ANKIB1: variants seen among roughly 807,000 people sequenced by gnomAD.
ANKIB1 encodes the protein ankyrin repeat and IBR domain containing 1.
A neutral mutation model predicts 122.1 loss-of-function variants in ANKIB1; 43 were observed. That is an observed-to-expected ratio of 0.35 (90% CI 0.28 to 0.45). ANKIB1 has a LOEUF of 0.45. ANKIB1 is among the 20% of genes least tolerant of loss of function. The probability of loss-of-function intolerance (pLI) is 1.00; values close to 1 mark genes in which losing one functional copy is unlikely to be tolerated. For missense variants in ANKIB1, 992 were observed against 1,329.5 expected (o/e 0.75, Z 3.95); for synonymous variants, 390 against 442.0 (o/e 0.88, Z 1.48).
intron 15 of ANKIB1, among the ~76,000 whole-genome samples, chr7:92,390,847 G>A (rs1585140820): frequency 1.3e-5 from 2 of 152,064 alleles, no homozygotes; most frequent in African/African-American, 2.4e-5. Flanking sequence ...TTTTCACATA[G>A]ACAAATTATA....
At chr7:92,259,565 T>C (rs547009299) in intron 1 of ANKIB1, among the ~76,000 whole-genome samples, 3 of 152,372 alleles carry the variant, frequency 2.0e-5, no homozygotes, top group Admixed American at 1.3e-4. Flanking sequence ...AGGGGATTTA[T>C]ATTTTTGTAA....
At chr7:92,300,785 T>G (rs1047893365) in intron 2 of ANKIB1, among the ~76,000 whole-genome samples, 2 of 152,164 alleles carry the variant, frequency 1.3e-5, no homozygotes, top group Non-Finnish European at 2.9e-5. Context: ...CCATGCTGTT[T>G]ATTAGGTCTC....
intron 1 of ANKIB1, among the ~76,000 whole-genome samples, chr7:92,251,933 A>G (rs1310308285): frequency 6.6e-6 from 1 of 152,160 alleles, no homozygotes; most frequent in Non-Finnish European, 1.5e-5. Context: ...GTCTGTTCGT[A>G]GTTCTTCAGC....
At chr7:92,315,119 A>G (rs1326202933) in intron 3 of ANKIB1, among the ~76,000 whole-genome samples, 1 of 152,188 alleles carries the variant, frequency 6.6e-6, no homozygotes, top group Non-Finnish European at 1.5e-5. Context: ...TATCACATCT[A>G]TAATTAGAGT....
At chr7:92,396,197 C>T in intron 17 of ANKIB1, 168 bp from the exon 18 acceptor site, 2 of 597,118 alleles carry the variant, frequency 3.3e-6, no homozygotes, top group Non-Finnish European at 5.9e-6. Flanking sequence ...TCCATTTTAC[C>T]TTTTGTGTTT....
intron 9 of ANKIB1, among the ~76,000 whole-genome samples, chr7:92,361,386 A>C (rs937499134): frequency 2.0e-5 from 3 of 152,208 alleles, no homozygotes; most frequent in Non-Finnish European, 4.4e-5. Context: ...CAGTAATTCA[A>C]CTTAAAACAG....
At chr7:92,397,681 T>G in intron 18 of ANKIB1, 42 bp from the exon 19 acceptor site, 1 of 1,604,056 alleles carries the variant, frequency 6.2e-7, no homozygotes, top group Non-Finnish European at 8.5e-7. Context: ...ATAAGTCTTA[T>G]TTGTCACTAA....
chr7:92,248,888 C>CTTTTTTTTTTTTTTTTTTTTTTTT (rs778549860), intron 1 of ANKIB1, among the ~76,000 whole-genome samples: 2 of 123,018 alleles, frequency 1.6e-5, no homozygotes, highest in Non-Finnish European at 3.3e-5. Context: ...TCTTTTCTTT[C>CTTTTTTTTTTTTTTTTTTTTTTTT]TTTTTTTTTT....
At chr7:92,372,733 A>G (rs921700165) in intron 11 of ANKIB1, among the ~76,000 whole-genome samples, 3 of 152,210 alleles carry the variant, frequency 2.0e-5, no homozygotes, top group African/African-American at 7.2e-5. Flanking sequence ...ATATGCTGGT[A>G]TGTTATTAAT....
At chr7:92,305,348 G>A (rs1278674904) in intron 2 of ANKIB1, among the ~76,000 whole-genome samples, 1 of 152,130 alleles carries the variant, frequency 6.6e-6, no homozygotes, top group African/African-American at 2.4e-5. Context: ...AGATTCCCCA[G>A]TCCCATGTCA....
At chr7:92,370,669 T>C (rs938537029) in intron 10 of ANKIB1, among the ~76,000 whole-genome samples, 7 of 152,168 alleles carry the variant, frequency 4.6e-5, no homozygotes, top group Admixed American at 1.3e-4. Flanking sequence ...TGGTGGGTAC[T>C]TCAGATGTCC....
intron 1 of ANKIB1, among the ~76,000 whole-genome samples, chr7:92,291,350 A>C (rs1233890920): frequency 6.6e-6 from 1 of 151,996 alleles, no homozygotes; most frequent in East Asian, 1.9e-4. Context: ...CAAATGCTTG[A>C]GGTGGTGGAT....
chr7:92,390,042 C>A lies in ANKIB1; in HGVS notation c.1978C>A (p.Leu660Ile). The A allele has an allele frequency of 6.2e-7, 1 of 1,607,192 alleles. No individual in the cohort carries two copies. The highest frequency in any genetic ancestry group is 8.5e-7 in the Non-Finnish European group (1 of 1,177,804). ...VHVLLKTRRILKCSYPYGFFL... is the reference protein window; with the variant it reads ...VHVLLKTRRIIKCSYPYGFFL... Reference sequence around the variant, plus strand: ...TGTGCTCTTAAAAACTCGGCGCATTCTCAAGTGTTCTTATCCATATGGATT... The same window carrying A: ...TGTGCTCTTAAAAACTCGGCGCATTATCAAGTGTTCTTATCCATATGGATT... Residue 660 changes from leucine (L) to isoleucine (I), a missense_variant, in exon 15 of 20, where the codon CTC (leucine) becomes ATC (isoleucine). Physicochemically the swap from Leu to Ile is conservative, Grantham distance 5 (BLOSUM62 2). Transcript: ENST00000265742.
intron 1 of ANKIB1, among the ~76,000 whole-genome samples, chr7:92,270,194 C>T (rs4727271): frequency 2.6e-5 from 4 of 152,042 alleles, no homozygotes; most frequent in Admixed American, 6.6e-5. Flanking sequence ...ACCCGAGTAG[C>T]TGGGACTGTA....
In ANKIB1 at chr7:92,387,789, G is replaced by C. The variant is rs1278486765; in HGVS notation, c.1753-9G>C. The stretch of plus-strand genomic sequence containing the variant: ...TTATAAAAGTCATTTGTGGACTTTT[G>C]TTTTCTAGGCTGAGAAAAAACACAA... On this transcript the variant is annotated splice_polypyrimidine_tract_variant and intron_variant, in intron 12 of 19. Coordinates refer to ENST00000265742, the MANE Select transcript of ANKIB1 (RefSeq NM_019004.2). 2 of 1,598,072 alleles carry C rather than the reference G, an allele frequency of 1.3e-6. No homozygotes were observed. The highest frequency in any genetic ancestry group is 2.7e-5 in the African/African-American group (2 of 73,780).
intron 11 of ANKIB1, among the ~76,000 whole-genome samples, chr7:92,376,627 T>C (rs1804389198): frequency 6.6e-6 from 1 of 151,940 alleles, no homozygotes; most frequent in Non-Finnish European, 1.5e-5. Context: ...TTTTGTATTT[T>C]TAGTAGAGAA....
chr7:92,376,820 A>G (rs958615544), intron 11 of ANKIB1, among the ~76,000 whole-genome samples: 3 of 152,084 alleles, frequency 2.0e-5, no homozygotes, highest in Non-Finnish European at 4.4e-5. Flanking sequence ...GCTAACTTTA[A>G]ATTTTTCTTC....
intron 11 of ANKIB1, among the ~76,000 whole-genome samples, chr7:92,376,260 A>G (rs1299613144): frequency 2.6e-5 from 4 of 152,114 alleles, no homozygotes; most frequent in Admixed American, 6.5e-5. Flanking sequence ...GGAGCCAGAC[A>G]TTGACTTTTC....
At position 92,272,244 on chromosome 7, in the gene ANKIB1, G is replaced by A. The variant is rs182484986; in HGVS notation, c.-90-22645G>A. Among the ~76,000 whole-genome samples, 3 of 152,204 alleles carry A rather than the reference G, an allele frequency of 2.0e-5. No homozygotes were observed. The East Asian group carries it at 5.8e-4, about 29-fold the overall frequency. ...CAAGGCATATCAGTGAAATTTTATA[G>A]CTATGGAGATCCATGGGAAGATAAA... On this transcript the variant is annotated intron_variant, in intron 1 of 19. Coordinates refer to ENST00000265742, the MANE Select transcript of ANKIB1 (RefSeq NM_019004.2).
Sources: allele counts gnomAD v4.1 joint callset (sites outside exome capture counted in the v4.1 genomes callset), GRCh38; gene constraint gnomAD v4.1.1; transcripts MANE v1.5; gene names NCBI Gene and HGNC (gene_info 2026-07-23, HGNC 2026-07-21).